PRKCA: variants seen among roughly 807,000 people sequenced by gnomAD.
PRKCA encodes protein kinase C alpha, also known as protein kinase C alpha type.
A neutral mutation model predicts 87.0 loss-of-function variants in PRKCA; 27 were observed. The ratio of observed to expected loss-of-function variants is 0.31; its 90% confidence interval spans 0.23 to 0.43. PRKCA has a LOEUF of 0.43. Ranked by LOEUF, PRKCA falls within the 20% of genes least tolerant of loss-of-function variation. The pLI is 1.00. For missense variants in PRKCA, 518 were observed against 852.3 expected, an observed-to-expected ratio of 0.61 and a Z score of 4.88; for synonymous variants, 329 against 311.1, an observed-to-expected ratio of 1.06 and a Z score of -0.61.
chr17:66,424,831 C>G (rs1912704948), intron 2 of PRKCA, among the ~76,000 whole-genome samples: 1 of 151,190 alleles, frequency 6.6e-6, no homozygotes, highest in African/African-American at 2.4e-5. Flanking sequence ...CTCATTGCAG[C>G]CTCAACCACC....
chr17:66,385,804 C>T (rs747745135), intron 2 of PRKCA, among the ~76,000 whole-genome samples: 4 of 152,158 alleles, frequency 2.6e-5, no homozygotes, highest in Non-Finnish European at 5.9e-5. Flanking sequence ...TGCTGTGTTG[C>T]CTAGGCTGCG....
intron 2 of PRKCA, among the ~76,000 whole-genome samples, chr17:66,469,156 G>A (rs374121616): frequency 1.3e-5 from 2 of 152,186 alleles, no homozygotes; most frequent in Admixed American, 6.5e-5. Flanking sequence ...TCACCATCTC[G>A]AGAACACTGG....
At chr17:66,700,022 C>G (rs1973023697) in intron 8 of PRKCA, among the ~76,000 whole-genome samples, 2 of 152,296 alleles carry the variant, frequency 1.3e-5, no homozygotes, top group South Asian at 4.1e-4. Context: ...AAATTAAAGG[C>G]CAATATATCC....
chr17:66,477,345 C>G (rs1390194175), intron 2 of PRKCA, among the ~76,000 whole-genome samples: 1 of 152,172 alleles, frequency 6.6e-6, no homozygotes, highest in Non-Finnish European at 1.5e-5. Flanking sequence ...GCTTAACAAG[C>G]CTACCCAAGG....
chr17:66,689,522 G>T lies in PRKCA; in HGVS notation c.918+475G>T, dbSNP rs1972722472. ...CTGAAAGAGCAGCTTAAACAAATAT[G>T]CCTTTGTGTGTGATCCCTTTTTATT... is the stretch of plus-strand genomic sequence containing the variant. On this transcript the variant is annotated intron_variant, in intron 8 of 16. Coordinates refer to ENST00000413366, the MANE Select transcript of PRKCA (RefSeq NM_002737.3). The surrounding 1 kb of genome is among the most constrained non-coding windows in gnomAD (Gnocchi z 4.1). Among the ~76,000 whole-genome samples the T allele has an allele frequency of 6.6e-6, 1 of 152,166 alleles. No individual in the cohort carries two copies. Among genetic ancestry groups the T allele is most frequent in the African/African-American group, 2.4e-5 (1 of 41,436 alleles).
At chr17:66,481,437 C>T (rs1177310959) in intron 2 of PRKCA, among the ~76,000 whole-genome samples, 1 of 152,136 alleles carries the variant, frequency 6.6e-6, no homozygotes, top group Non-Finnish European at 1.5e-5. Context: ...AATAGACTTG[C>T]CCCAGTCAGC....
intron 5 of PRKCA, among the ~76,000 whole-genome samples, chr17:66,666,832 C>T (rs189950582): frequency 1.1e-3 from 165 of 152,128 alleles, no homozygotes; most frequent in African/African-American, 2.6e-3. Flanking sequence ...TTTGAATCCC[C>T]CCCCCACACA....
chr17:66,350,235 C>T (rs934542892), intron 2 of PRKCA, among the ~76,000 whole-genome samples: 5 of 151,956 alleles, frequency 3.3e-5, no homozygotes, highest in African/African-American at 9.7e-5. Context: ...CTTGGATGCT[C>T]GGTGTAGGTA....
At chr17:66,632,732 T>A (rs907757779) in intron 3 of PRKCA, among the ~76,000 whole-genome samples, 1 of 152,206 alleles carries the variant, frequency 6.6e-6, no homozygotes, top group Non-Finnish European at 1.5e-5. Context: ...TGTCCATGAT[T>A]TTACAGAAAG....
chr17:66,730,896 T>C (rs1182701722), intron 8 of PRKCA, among the ~76,000 whole-genome samples: 3 of 152,222 alleles, frequency 2.0e-5, no homozygotes, highest in Admixed American at 1.3e-4. Context: ...GGATGATTCC[T>C]CGGAAGCCTT....
intron 2 of PRKCA, among the ~76,000 whole-genome samples, chr17:66,455,132 A>G (rs1370049306): frequency 6.6e-6 from 1 of 152,218 alleles, no homozygotes; most frequent in African/African-American, 2.4e-5. Flanking sequence ...TAAGTGAGTC[A>G]GGGACTGCTT....
intron 5 of PRKCA, among the ~76,000 whole-genome samples, chr17:66,681,787 G>T (rs145628266): frequency 6.6e-6 from 1 of 152,206 alleles, no homozygotes; most frequent in Non-Finnish European, 1.5e-5. Context: ...ACCCATTCAC[G>T]TGAGATGGCC....
At chr17:66,677,010 GTGTT>G (rs996018156) in intron 5 of PRKCA, 4 of 152,152 alleles carry the variant, frequency 2.6e-5, no homozygotes, top group African/African-American at 9.7e-5. Context: ...TGGTGGGGTA[GTGTT>G]TGTTCTATGC....
chr17:66,379,577 A>G (rs983735026), intron 2 of PRKCA, among the ~76,000 whole-genome samples: 1 of 152,236 alleles, frequency 6.6e-6, no homozygotes, highest in Admixed American at 6.5e-5. Context: ...TTGAAGCTTC[A>G]CTAATTGTAA....
At chr17:66,743,324 C>A (rs957995050) in intron 13 of PRKCA, among the ~76,000 whole-genome samples, 1 of 152,124 alleles carries the variant, frequency 6.6e-6, no homozygotes, top group African/African-American at 2.4e-5. Context: ...GACTCTGTCC[C>A]CCCAAAAAAA....
At chr17:66,314,478 G>C (rs576817802) in intron 2 of PRKCA, among the ~76,000 whole-genome samples, 2 of 152,308 alleles carry the variant, frequency 1.3e-5, no homozygotes, top group Admixed American at 6.5e-5. Context: ...GGAATGATTT[G>C]ATTAATGGCC....
At chr17:66,394,834 C>T (rs79848307) in intron 2 of PRKCA, among the ~76,000 whole-genome samples, 6,775 of 152,212 alleles carry the variant, frequency 0.045, 220 homozygotes, top group Admixed American at 0.078. Context: ...CTTCCTGCTG[C>T]CTTGTGAAGA....
At chr17:66,576,255 G>A (rs1431655175) in intron 3 of PRKCA, among the ~76,000 whole-genome samples, 4 of 152,218 alleles carry the variant, frequency 2.6e-5, no homozygotes, top group South Asian at 2.1e-4. Context: ...TCATGTGCGC[G>A]GTTGCTCTAC....
intron 3 of PRKCA, among the ~76,000 whole-genome samples, chr17:66,635,262 G>T (rs1472526742): frequency 6.6e-6 from 1 of 152,184 alleles, no homozygotes; most frequent in Non-Finnish European, 1.5e-5. Flanking sequence ...TGAATTTGAT[G>T]AATTTGATGA....
Sources: allele counts gnomAD v4.1 joint callset (sites outside exome capture counted in the v4.1 genomes callset), GRCh38; gene constraint gnomAD v4.1.1; non-coding constraint Gnocchi (gnomAD v3.1); transcripts MANE v1.5; gene names NCBI Gene and HGNC (gene_info 2026-07-23, HGNC 2026-07-21).